GRIK4: variants seen among roughly 807,000 people sequenced by gnomAD.
GRIK4 encodes the protein glutamate receptor ionotropic, kainate 4.
GRIK4 carries 40 observed loss-of-function variants against 104.9 expected under a neutral mutation model. That is an observed-to-expected ratio of 0.38 (90% confidence interval 0.30 to 0.50). The LOEUF (loss-of-function observed/expected upper bound fraction) is 0.50, where lower values mean the gene tolerates loss of function less well. Ranked by LOEUF, GRIK4 falls within the 20% of genes least tolerant of loss-of-function variation. The probability of loss-of-function intolerance (pLI) is 0.93; values close to 1 mark genes in which losing one functional copy is unlikely to be tolerated. For missense variants in GRIK4, 1,047 were observed against 1,308.1 expected (o/e 0.80, Z 3.08); for synonymous variants, 485 against 524.9 (o/e 0.92, Z 1.04).
chr11:120,595,688 C>T (rs1362838825), intron 1 of GRIK4, among the ~76,000 whole-genome samples: 1 of 152,182 alleles, frequency 6.6e-6, no homozygotes, highest in Non-Finnish European at 1.5e-5. Flanking sequence ...AACAGCTCTC[C>T]TCCTTCACCC....
intron 1 of GRIK4, among the ~76,000 whole-genome samples, chr11:120,596,920 T>G (rs1263519182): frequency 6.6e-6 from 1 of 152,110 alleles, no homozygotes; most frequent in Non-Finnish European, 1.5e-5. Flanking sequence ...AGACAGGGTT[T>G]TACCATGTTG....
intron 1 of GRIK4, among the ~76,000 whole-genome samples, chr11:120,609,451 A>C: frequency 6.8e-6 from 1 of 146,542 alleles, no homozygotes. Flanking sequence ...CCCTTTCCCA[A>C]AGGTAGCTTT....
chr11:120,854,762 G>A (rs968046811), intron 8 of GRIK4, among the ~76,000 whole-genome samples: 1 of 152,000 alleles, frequency 6.6e-6, no homozygotes. Context: ...TCTTTTTTGA[G>A]TCTCACAATG....
At chr11:120,937,895 T>G (rs1943632652) in intron 13 of GRIK4, among the ~76,000 whole-genome samples, 1 of 152,238 alleles carries the variant, frequency 6.6e-6, no homozygotes, top group African/African-American at 2.4e-5. Flanking sequence ...GTTTGCCCTT[T>G]GGGAGGAAAG....
At chr11:120,794,302 G>A (rs1398584144) in intron 3 of GRIK4, among the ~76,000 whole-genome samples, 2 of 151,872 alleles carry the variant, frequency 1.3e-5, no homozygotes, top group African/African-American at 4.8e-5. Flanking sequence ...GGTTGGAGGG[G>A]AAGGGTGGTG....
chr11:120,625,456 C>T (rs1164054455), intron 1 of GRIK4, among the ~76,000 whole-genome samples: 2 of 152,168 alleles, frequency 1.3e-5, no homozygotes, highest in Non-Finnish European at 2.9e-5. Flanking sequence ...TGTGAAGCAG[C>T]AGCTGGCCAC....
At chr11:120,547,900 G>A (rs1416958707) in intron 1 of GRIK4, among the ~76,000 whole-genome samples, 2 of 152,162 alleles carry the variant, frequency 1.3e-5, no homozygotes, top group African/African-American at 4.8e-5. Context: ...TAAATATGCC[G>A]GGTATGAGGG....
intron 1 of GRIK4, among the ~76,000 whole-genome samples, chr11:120,573,623 T>C (rs1179605332): frequency 2.0e-5 from 3 of 152,178 alleles, no homozygotes; most frequent in Non-Finnish European, 2.9e-5. Flanking sequence ...GAATGGTCAC[T>C]GAGCAGATAG....
At chr11:120,541,979 A>G (rs1039296327) in intron 1 of GRIK4, among the ~76,000 whole-genome samples, 3 of 152,206 alleles carry the variant, frequency 2.0e-5, no homozygotes, top group Non-Finnish European at 2.9e-5. Context: ...TAAAATTCAT[A>G]TGGAGCCATA....
At position 120,524,965 on chromosome 11, in the gene GRIK4, C is replaced by T. The variant is rs145473104; in HGVS notation, c.-159+13078C>T. Among the ~76,000 whole-genome samples the T allele has an allele frequency of 2.5e-3, 388 of 152,270 alleles. 3 individuals carry two copies. Among genetic ancestry groups the T allele is most frequent in the African/African-American group, 9.0e-3 (372 of 41,552 alleles). On this transcript the variant is annotated intron_variant, in intron 1 of 20. Transcript: ENST00000527524. This position sits in a 1 kb window ranked among gnomAD's most constrained non-coding sequence, Gnocchi z 4.5. Reference sequence around the variant, plus strand: ...CTTCCGTCTTCTTGGCTTCTGGAGCCCATCAGGGGCTGCACCATGAATGCC... The same window carrying T: ...CTTCCGTCTTCTTGGCTTCTGGAGCTCATCAGGGGCTGCACCATGAATGCC...
intron 3 of GRIK4, among the ~76,000 whole-genome samples, chr11:120,742,109 G>T (rs1372720693): frequency 1.3e-5 from 2 of 152,172 alleles, no homozygotes; most frequent in Non-Finnish European, 2.9e-5. Flanking sequence ...ATTTTGAGAG[G>T]CTGAGGTTGG....
At chr11:120,831,765 A>C (rs943806699) in intron 6 of GRIK4, 87 bp from the exon 7 acceptor site, 69 of 1,000,422 alleles carry the variant, frequency 6.9e-5, no homozygotes, top group Middle Eastern at 2.2e-4. Flanking sequence ...CTTCCAGCCC[A>C]CATCTCCGTG....
intron 3 of GRIK4, among the ~76,000 whole-genome samples, chr11:120,724,318 C>T (rs1218729057): frequency 3.3e-5 from 5 of 152,114 alleles, no homozygotes; most frequent in African/African-American, 9.7e-5. Context: ...CCAGCCTGTT[C>T]GTTTTTAATA....
chr11:120,567,269 C>T (rs1188761450), intron 1 of GRIK4, among the ~76,000 whole-genome samples: 3 of 152,130 alleles, frequency 2.0e-5, no homozygotes, highest in South Asian at 2.1e-4. Context: ...AAGCGATCCT[C>T]CCACCTCAGC....
At position 120,940,553 on chromosome 11, in the gene GRIK4, A is replaced by G; in HGVS notation, c.1590+93A>G. On this transcript the variant is annotated intron_variant, in intron 14 of 20. Transcript: ENST00000527524. The surrounding 1 kb of genome is among the most constrained non-coding windows in gnomAD (Gnocchi z 4.3). ...GGAATAATGAATGACTCATGGAAAT[A>G]TTTAGATTTCAAGACTTAAATGCAA... 2.7e-6 allele frequency: 2 copies of G among 751,858 alleles called. No individual in the cohort carries two copies. The highest frequency in any genetic ancestry group is 3.6e-5 in the South Asian group (2 of 55,532). The allele number at this position is 751,858 out of a possible 1,614,324, so 46.6% of individuals were successfully genotyped here. A position where few individuals can be genotyped will look rare whatever the true frequency, so the allele number is the denominator to read the frequency against.
At chr11:120,944,096 T>C (rs962365821) in intron 14 of GRIK4, among the ~76,000 whole-genome samples, 37 of 152,188 alleles carry the variant, frequency 2.4e-4, no homozygotes, top group Admixed American at 2.4e-3. Context: ...GGAGTCTGGC[T>C]TTGGCATTCG....
intron 1 of GRIK4, among the ~76,000 whole-genome samples, chr11:120,590,665 A>G (rs1466221390): frequency 6.6e-6 from 1 of 152,200 alleles, no homozygotes. Flanking sequence ...GGGAACCCCA[A>G]GGCTCACCAT....
intron 11 of GRIK4, among the ~76,000 whole-genome samples, chr11:120,879,704 G>A (rs907130543): frequency 1.1e-4 from 16 of 152,132 alleles, no homozygotes; most frequent in East Asian, 9.6e-4. Context: ...CTGGACCATC[G>A]CCCAGTTATT....
At chr11:120,522,787 G>A (rs902424712) in intron 1 of GRIK4, among the ~76,000 whole-genome samples, 2 of 152,194 alleles carry the variant, frequency 1.3e-5, no homozygotes, top group African/African-American at 4.8e-5. Context: ...AACAGCCTGT[G>A]GGCCTAGAGA....
Sources: allele counts gnomAD v4.1 joint callset (sites outside exome capture counted in the v4.1 genomes callset), GRCh38; gene constraint gnomAD v4.1.1; non-coding constraint Gnocchi (gnomAD v3.1); transcripts MANE v1.5; gene names NCBI Gene and HGNC (gene_info 2026-07-23, HGNC 2026-07-21).